The following RIPOR2 variants were observed in gnomAD, a reference collection of about 807,000 sequenced individuals.
RIPOR2 encodes RHO family interacting cell polarization regulator 2.
Under a neutral mutation model 114.5 loss-of-function variants are expected in RIPOR2, and 39 were observed. That is an observed-to-expected ratio of 0.34 (90% confidence interval 0.26 to 0.44). The LOEUF is 0.44. Ranked by LOEUF, RIPOR2 falls within the 20% of genes least tolerant of loss-of-function variation. The pLI, the probability that RIPOR2 is intolerant of heterozygous loss-of-function variation, is 1.00. For missense variants in RIPOR2, 1,007 were observed against 1,255.1 expected, an observed-to-expected ratio of 0.80 and a Z score of 2.99; for synonymous variants, 445 against 484.4, an observed-to-expected ratio of 0.92 and a Z score of 1.07.
chr6:24,971,689 T>A (rs919503149), intron 1 of RIPOR2, among the ~76,000 whole-genome samples: 1 of 152,244 alleles, frequency 6.6e-6, no homozygotes, highest in Non-Finnish European at 1.5e-5. Flanking sequence ...TAGGGCTCTG[T>A]GTCTTGAAAA....
At chr6:24,981,646 C>T (rs1241753716) in intron 1 of RIPOR2, among the ~76,000 whole-genome samples, 6 of 152,290 alleles carry the variant, frequency 3.9e-5, no homozygotes, top group African/African-American at 7.2e-5. Context: ...TGGTATGTTT[C>T]GCCTTAGTGG....
At chr6:24,826,093 ATTG>A (rs1760162459) in intron 18 of RIPOR2, among the ~76,000 whole-genome samples, 1 of 151,668 alleles carries the variant, frequency 6.6e-6, no homozygotes, top group East Asian at 1.9e-4. Context: ...CGCCTGGCTA[ATTG>A]TTGTATTTTT....
intron 1 of RIPOR2, among the ~76,000 whole-genome samples, chr6:24,917,350 C>T (rs768483571): frequency 4.6e-5 from 7 of 152,106 alleles, no homozygotes; most frequent in African/African-American, 1.2e-4. Flanking sequence ...TTTACAAATT[C>T]GTATAGTTCT....
At chr6:24,958,866 T>G (rs1773165827) in intron 1 of RIPOR2, among the ~76,000 whole-genome samples, 1 of 152,070 alleles carries the variant, frequency 6.6e-6, no homozygotes, top group African/African-American at 2.4e-5. Flanking sequence ...AGAAAATCCC[T>G]TCCATGCCTC....
chr6:24,941,290 G>C (rs1020626666), intron 1 of RIPOR2, among the ~76,000 whole-genome samples: 10 of 151,974 alleles, frequency 6.6e-5, no homozygotes, highest in Non-Finnish European at 1.5e-4. Flanking sequence ...TCTATGGCAA[G>C]ACTCACATTG....
At chr6:24,833,021 C>T (rs1038727551) in intron 15 of RIPOR2, among the ~76,000 whole-genome samples, 2 of 152,002 alleles carry the variant, frequency 1.3e-5, no homozygotes, top group Non-Finnish European at 2.9e-5. Context: ...AGTAACCTGC[C>T]CAAGGTCACA....
At position 25,028,593 on chromosome 6, in the gene RIPOR2, C is replaced by G; in HGVS notation, c.76+13258G>C. ...ATAATGCCCAATAGGGGAGCTGGCA[C>G]AATGCCTGATACTAATACTACCCCA... On this transcript the variant is annotated intron_variant, in intron 1 of 13. Coordinates refer to the RIPOR2 transcript ENST00000510784. Among the ~76,000 whole-genome samples, 2 of 152,222 alleles carry G rather than the reference C, an allele frequency of 1.3e-5. 1 individual carries two copies. The highest frequency in any genetic ancestry group is 3.8e-4 in the East Asian group (2 of 5,206).
At position 24,865,415 on chromosome 6, in the gene RIPOR2, TC is replaced by T; in HGVS notation, c.536del (p.Arg179HisfsTer10). On this transcript the variant is annotated frameshift_variant, in exon 7 of 22. Transcript: ENST00000643898. LOFTEE classifies it high-confidence loss of function. ...TTTTGCTGGCACCATCCTGGAGGCG[TC>T]GCTGGATACAATAAGCTTCATAGAG... Reference protein sequence around the residue: ...DELYEAYCIQRRLQDGASKMK... With the variant: ...DELYEAYCIQXRLQDGASKMK... The T allele has an allele frequency of 3.7e-6, 6 of 1,613,514 alleles. No individual in the cohort carries two copies. The highest frequency in any genetic ancestry group is 5.1e-6 in the Non-Finnish European group (6 of 1,179,618).
intron 1 of RIPOR2, among the ~76,000 whole-genome samples, chr6:24,962,032 G>A (rs980325589): frequency 6.6e-6 from 1 of 152,160 alleles, no homozygotes; most frequent in Non-Finnish European, 1.5e-5. Flanking sequence ...CTCACTCTAA[G>A]TCTCCCAGCC....
chr6:25,031,731 ATATATATATATATATAT>A (rs1776968875), intron 1 of RIPOR2, among the ~76,000 whole-genome samples: 2 of 110,638 alleles, frequency 1.8e-5, no homozygotes, highest in African/African-American at 3.9e-5. Context: ...ATATATATAT[ATATATATATATATATAT>A]ATAAAATATC....
At chr6:24,840,819 T>C in intron 13 of RIPOR2, 4 of 1,523,802 alleles carry the variant, frequency 2.6e-6, no homozygotes, top group Non-Finnish European at 3.5e-6. Context: ...TTTGTCCAGC[T>C]GATGCTTTAA....
Position 24,825,264 on chromosome 6 carries a change from AG to A in RIPOR2, c.2829del (p.Leu944TrpfsTer22). ...TGCTGATTTTTGGAGGCTGCTGCCA[AG>A]TAAAGCGTCACAGCCTCACTAACTT... ...DNEVSEAVTL[Y>X]LAAASKNQHF... On this transcript the variant is annotated frameshift_variant, in exon 19 of 22. Coordinates refer to ENST00000643898, the MANE Select transcript of RIPOR2 (RefSeq NM_001286445.3). LOFTEE classifies it high-confidence loss of function. 6.4e-7 allele frequency: 1 copy of A among 1,551,376 alleles called. No homozygotes were observed. The highest frequency in any genetic ancestry group is 8.7e-7 in the Non-Finnish European group (1 of 1,146,980).
Position 24,983,229 on chromosome 6 carries a change from C to T in RIPOR2, c.76+58622G>A, listed in dbSNP as rs369750314. Among the ~76,000 whole-genome samples the T allele has an allele frequency of 1.8e-3, 274 of 150,354 alleles. 3 individuals carry two copies. The highest frequency in any genetic ancestry group is 0.018 in the East Asian group (90 of 5,140). ...ACACACACACACACATACATATATA[C>T]ACACACACACAGGCACACACATATA... On this transcript the variant is annotated intron_variant, in intron 1 of 13. Transcript: ENST00000510784.
chr6:24,960,576 A>C (rs1195376628), intron 1 of RIPOR2, among the ~76,000 whole-genome samples: 3 of 152,120 alleles, frequency 2.0e-5, no homozygotes, highest in Admixed American at 1.3e-4. Flanking sequence ...CCCAGGCTGG[A>C]GAGCAGTGGT....
chr6:24,833,729 T>C (rs985523376), intron 15 of RIPOR2, among the ~76,000 whole-genome samples: 3 of 152,166 alleles, frequency 2.0e-5, no homozygotes, highest in Admixed American at 6.6e-5. Flanking sequence ...AAGGTAAGTT[T>C]CTAAATCTCA....
intron 20 of RIPOR2, among the ~76,000 whole-genome samples, chr6:24,817,972 C>CTTTTTTTT (rs1759310581): frequency 2.9e-5 from 1 of 34,090 alleles, no homozygotes; most frequent in South Asian, 1.5e-3. Flanking sequence ...TTTTCTCTCT[C>CTTTTTTTT]TCTCTCTTTT....
At chr6:24,994,855 A>C (rs1352670575) in intron 1 of RIPOR2, among the ~76,000 whole-genome samples, 2 of 152,232 alleles carry the variant, frequency 1.3e-5, no homozygotes, top group African/African-American at 4.8e-5. Flanking sequence ...AATGAGGATT[A>C]TCTCTGTCTC....
chr6:24,841,576 C>G (rs1225960485), intron 13 of RIPOR2, among the ~76,000 whole-genome samples: 1 of 150,820 alleles, frequency 6.6e-6, no homozygotes, highest in Non-Finnish European at 1.5e-5. Context: ...AATGTAGTTT[C>G]AGATGCCACT....
intron 13 of RIPOR2, chr6:24,840,618 G>A: frequency 6.6e-7 from 1 of 1,522,888 alleles, no homozygotes; most frequent in South Asian, 1.2e-5. Flanking sequence ...AGGTAGGAAG[G>A]GCCTTGCAGG....
Sources: allele counts gnomAD v4.1 joint callset (sites outside exome capture counted in the v4.1 genomes callset), GRCh38; gene constraint gnomAD v4.1.1; transcripts MANE v1.5; gene names NCBI Gene and HGNC (gene_info 2026-07-23, HGNC 2026-07-21).